PKIB: variants seen among roughly 807,000 people sequenced by gnomAD.
PKIB encodes cAMP-dependent protein kinase inhibitor beta, also known as PKI-beta.
A neutral mutation model predicts 4.5 loss-of-function variants in PKIB; 2 were observed. That is an observed-to-expected ratio of 0.44 (90% confidence interval 0.18 to 1.39). PKIB has a LOEUF of 1.39. Among genes scored for constraint, PKIB ranks in the 40% most tolerant of loss-of-function variants. PKIB has a pLI of 0.27. For missense variants in PKIB, 94 were observed against 92.6 expected (o/e 1.02, Z -0.06); for synonymous variants, 38 against 36.0 (o/e 1.06, Z -0.20).
intron 1 of PKIB, among the ~76,000 whole-genome samples, chr6:122,474,405 G>A (rs915282730): frequency 3.3e-5 from 5 of 151,942 alleles, no homozygotes; most frequent in African/African-American, 4.8e-5. Flanking sequence ...TTTTTCTTAT[G>A]AAATGTATTA....
chr6:122,593,856 A>G (rs1351469030), intron 3 of PKIB, among the ~76,000 whole-genome samples: 1 of 152,180 alleles, frequency 6.6e-6, no homozygotes, highest in East Asian at 1.9e-4. Context: ...CTGCCTTCCC[A>G]AGCCCACTGA....
chr6:122,512,573 C>T (rs1230431921), intron 2 of PKIB, among the ~76,000 whole-genome samples: 1 of 152,176 alleles, frequency 6.6e-6, no homozygotes, highest in African/African-American at 2.4e-5. Flanking sequence ...GGCACTTCCA[C>T]CTGTCCATAG....
chr6:122,686,251 C>T (rs1015971305), intron 3 of PKIB, among the ~76,000 whole-genome samples: 3 of 152,130 alleles, frequency 2.0e-5, no homozygotes, highest in African/African-American at 4.8e-5. Flanking sequence ...AGTGATTGTA[C>T]AAATTTACAT....
chr6:122,725,463 C>T lies in PKIB; in HGVS notation c.*268C>T, dbSNP rs766619209. 4 of 322,750 alleles carry T rather than the reference C, an allele frequency of 1.2e-5. No homozygotes were observed. The highest frequency in any genetic ancestry group is 2.3e-5 in the Non-Finnish European group (4 of 174,884). 20.0% of individuals were successfully genotyped at this position (322,750 alleles called of 1,614,324 possible). On this transcript the variant is annotated 3_prime_UTR_variant, in exon 5 of 5. Coordinates refer to ENST00000368452, the MANE Select transcript of PKIB (RefSeq NM_181795.3). ...TGATCACAGAAATGCATACCACTGT[C>T]TGTAAACCCAACAAAATTCACTGTT...
intron 1 of PKIB, among the ~76,000 whole-genome samples, chr6:122,617,100 C>T (rs1015236566): frequency 6.6e-6 from 1 of 152,128 alleles, no homozygotes; most frequent in African/African-American, 2.4e-5. Context: ...ACACTCAGGT[C>T]TCATTCTCAA....
Position 122,526,308 on chromosome 6 carries a change from C to T in PKIB, c.-248+48369C>T, listed in dbSNP as rs112363345. On this transcript the variant is annotated intron_variant, in intron 2 of 6. Transcript: ENST00000392491. The stretch of plus-strand genomic sequence containing the variant: ...TTGAACTCTTCCCGTGAATTACAAA[C>T]GTTCTTAATAGCATCTAGACTGGTG... Among the ~76,000 whole-genome samples the T allele has an allele frequency of 5.1e-3, 769 of 152,232 alleles. 7 individuals are homozygous for T. Among genetic ancestry groups the T allele is most frequent in the African/African-American group, 0.017 (715 of 41,546 alleles).
chr6:122,483,907 A>G (rs930345022), intron 2 of PKIB: 1 of 152,182 alleles, frequency 6.6e-6, no homozygotes, highest in African/African-American at 2.4e-5. Context: ...TTTCTTCTCA[A>G]TTGCCTTCAG....
intron 2 of PKIB, among the ~76,000 whole-genome samples, chr6:122,561,988 G>GTTTTTTTTTTTTTTTTTTTT (rs796363707): frequency 8.2e-5 from 2 of 24,272 alleles, no homozygotes; most frequent in African/African-American, 3.2e-4. Flanking sequence ...TTTTTTGTTT[G>GTTTTTTTTTTTTTTTTTTTT]TTTTTGTTTT....
intron 2 of PKIB, among the ~76,000 whole-genome samples, chr6:122,671,442 T>C (rs1049857888): frequency 1.3e-5 from 2 of 152,196 alleles, no homozygotes; most frequent in Admixed American, 6.5e-5. Context: ...CCTCACCTGA[T>C]CCCCAGTCTT....
intron 2 of PKIB, among the ~76,000 whole-genome samples, chr6:122,554,318 G>A (rs1189396300): frequency 6.6e-6 from 1 of 152,164 alleles, no homozygotes; most frequent in Non-Finnish European, 1.5e-5. Flanking sequence ...TCAATGATCT[G>A]CTTTGAAATG....
chr6:122,653,546 C>CA (rs1554228327), intron 2 of PKIB, among the ~76,000 whole-genome samples: 1 of 151,254 alleles, frequency 6.6e-6, no homozygotes, highest in Non-Finnish European at 1.5e-5. Context: ...CCTGGTGGGG[C>CA]GGGATGAGGT....
intron 3 of PKIB, among the ~76,000 whole-genome samples, chr6:122,683,691 T>C (rs1037485121): frequency 3.9e-5 from 6 of 152,214 alleles, no homozygotes; most frequent in Non-Finnish European, 8.8e-5. Flanking sequence ...AAGATGGCTT[T>C]ACCAATGTAG....
chr6:122,634,020 C>T (rs1460924463), intron 2 of PKIB, among the ~76,000 whole-genome samples: 3 of 151,784 alleles, frequency 2.0e-5, no homozygotes, highest in African/African-American at 4.8e-5. Flanking sequence ...CTTGCCTACA[C>T]AGTAGTGCAT....
chr6:122,671,993 T>C, intron 2 of PKIB, among the ~76,000 whole-genome samples: 1 of 152,206 alleles, frequency 6.6e-6, no homozygotes, highest in South Asian at 2.1e-4. Context: ...GTATTTATAT[T>C]TACAACTGAG....
chr6:122,668,387 A>AG (rs1349469864), intron 2 of PKIB, among the ~76,000 whole-genome samples: 1 of 152,200 alleles, frequency 6.6e-6, no homozygotes, highest in African/African-American at 2.4e-5. Context: ...TCAAAGGAAG[A>AG]GAGAGGGATA....
chr6:122,570,264 T>A (rs1415554858), intron 2 of PKIB, among the ~76,000 whole-genome samples: 1 of 152,086 alleles, frequency 6.6e-6, no homozygotes, highest in Non-Finnish European at 1.5e-5. Flanking sequence ...GTAGCTGAGG[T>A]GCTCCCACCT....
chr6:122,691,145 T>A (rs9401570), intron 3 of PKIB, among the ~76,000 whole-genome samples: 72,798 of 151,568 alleles, frequency 0.48, 18,238 homozygotes, highest in Non-Finnish European at 0.56. Context: ...GGAGTTTGAT[T>A]ATTAAATGCC....
chr6:122,492,510 C>T (rs1775965846), intron 2 of PKIB, among the ~76,000 whole-genome samples: 1 of 152,166 alleles, frequency 6.6e-6, no homozygotes, highest in Non-Finnish European at 1.5e-5. Flanking sequence ...CCACTAATTC[C>T]TAGACCAGAG....
At chr6:122,620,051 G>A (rs1372921210) in intron 1 of PKIB, among the ~76,000 whole-genome samples, 1 of 151,974 alleles carries the variant, frequency 6.6e-6, no homozygotes, top group Non-Finnish European at 1.5e-5. Flanking sequence ...TAGTAGAGGG[G>A]GGCACATTCC....
Sources: allele counts gnomAD v4.1 joint callset (sites outside exome capture counted in the v4.1 genomes callset), GRCh38; gene constraint gnomAD v4.1.1; transcripts MANE v1.5; gene names NCBI Gene and HGNC (gene_info 2026-07-23, HGNC 2026-07-21).